VCP: variants seen among roughly 807,000 people sequenced by gnomAD.
VCP encodes valosin containing protein.
A neutral mutation model predicts 85.7 loss-of-function variants in VCP; 6 were observed. The ratio of observed to expected loss-of-function variants is 0.07; its 90% CI spans 0.04 to 0.14. The LOEUF is 0.14. VCP is among the 10% of genes least tolerant of loss of function. The pLI is 1.00. For missense variants in VCP, 353 were observed against 1,043.4 expected (o/e 0.34, Z 9.12); for synonymous variants, 384 against 367.1 (o/e 1.05, Z -0.53).
intron 9 of VCP, 152 bp downstream of exon 9, chr9:35,061,851 G>A (rs1828727439): frequency 6.8e-7 from 1 of 1,472,024 alleles, no homozygotes; most frequent in Admixed American, 1.9e-5. Context: ...GAAAACCAGG[G>A]TGGTTGGTCA....
chr9:35,063,897 A>G (rs138403227), intron 6 of VCP, among the ~76,000 whole-genome samples: 157 of 152,382 alleles, frequency 1.0e-3, no homozygotes, highest in African/African-American at 3.6e-3. Flanking sequence ...AGAGTTGTAA[A>G]GAAAAACCCA....
intron 15 of VCP, among the ~76,000 whole-genome samples, chr9:35,058,598 T>A (rs561806714): frequency 6.7e-6 from 1 of 148,970 alleles, no homozygotes; most frequent in African/African-American, 2.5e-5. Flanking sequence ...ACGTTTCTAC[T>A]AAAAAAAAAA....
intron 1 of VCP, 43 bp from the exon 2 acceptor site, chr9:35,068,405 C>T (rs780421436): frequency 9.8e-6 from 15 of 1,537,414 alleles, no homozygotes; most frequent in Admixed American, 6.7e-5. Flanking sequence ...CTGCCCCAAG[C>T]GCCTCGCCAG....
rs149705391 is a variant in VCP, at chr9:35,067,634, G to A, written c.302+257C>T. On this transcript the variant is annotated intron_variant, in intron 3 of 16. Coordinates refer to ENST00000358901, the MANE Select transcript of VCP (RefSeq NM_007126.5). Reference sequence around the variant, plus strand: ...GTATGATAAATTACACCTCTAGTAGGAAAAAATAAAGCCATCAAGAAAGTT... The same window carrying A: ...GTATGATAAATTACACCTCTAGTAGAAAAAAATAAAGCCATCAAGAAAGTT... Among the ~76,000 whole-genome samples, 136 of 152,280 alleles carry A rather than the reference G, an allele frequency of 8.9e-4. 1 individual carries two copies. In the East Asian group the frequency reaches 0.022, roughly 25 times the overall value.
intron 10 of VCP, 109 bp downstream of exon 10, chr9:35,061,468 C>A (rs1403479754): frequency 2.2e-5 from 25 of 1,144,690 alleles, no homozygotes; most frequent in Non-Finnish European, 3.3e-5. Flanking sequence ...TTTCCCCTGT[C>A]CAGAAATCAA....
At chr9:35,067,755 G>T in intron 3 of VCP, 136 bp downstream of exon 3, 1 of 1,164,574 alleles carries the variant, frequency 8.6e-7, no homozygotes, top group Non-Finnish European at 1.3e-6. Context: ...TGAAGCATAA[G>T]TCTTCCCATG....
Position 35,059,331 on chromosome 9 carries a change from CA to C in VCP, c.2005-113del, listed in dbSNP as rs1828675221. 6.5e-7 allele frequency: 1 copy of C among 1,545,676 alleles called. No homozygotes were observed. The highest frequency in any genetic ancestry group is 8.8e-7 in the Non-Finnish European group (1 of 1,137,448). The stretch of plus-strand genomic sequence containing the variant: ...CAGTTTGCCCCTTCTTTGGCCACCC[CA>C]TTTTATTCCTGATTCTAGATTATCT... On this transcript the variant is annotated intron_variant, in intron 14 of 16. Transcript: ENST00000358901. The surrounding 1 kb of genome is among the most constrained non-coding windows in gnomAD (Gnocchi z 4.9).
chr9:35,065,989 G>A (rs927559443), intron 4 of VCP, among the ~76,000 whole-genome samples: 64 of 152,196 alleles, frequency 4.2e-4, no homozygotes, highest in African/African-American at 1.5e-3. Context: ...AGCCGGGCGT[G>A]GTGGCAGACG....
Position 35,056,796 on chromosome 9 carries a change from AGTAGTG to A in VCP, c.*315_*320del. ...CAGATGCTTTACTGTGGCAGGTGGCAGTAGTGCCTTGGTTCACACCCCACACAGGTC... is the reference window on the plus strand; with the variant it reads ...CAGATGCTTTACTGTGGCAGGTGGCACCTTGGTTCACACCCCACACAGGTC... On this transcript the variant is annotated 3_prime_UTR_variant, in exon 17 of 17. Transcript: ENST00000358901. 2.6e-6 allele frequency: 1 copy of A among 377,532 alleles called. No homozygotes were observed. The highest frequency in any genetic ancestry group is 5.1e-6 in the Non-Finnish European group (1 of 195,864). 23.4% of individuals were successfully genotyped at this position (377,532 alleles called of 1,614,324 possible). A position where few individuals can be genotyped will look rare whatever the true frequency, so the allele number is the denominator to read the frequency against.
intron 1 of VCP, among the ~76,000 whole-genome samples, chr9:35,070,560 A>G (rs951116556): frequency 2.6e-5 from 4 of 152,052 alleles, no homozygotes; most frequent in Non-Finnish European, 2.9e-5. Context: ...CAGCCTCCAG[A>G]GTGGCTGGGA....
At chr9:35,070,219 T>A (rs1272511079) in intron 1 of VCP, among the ~76,000 whole-genome samples, 1 of 152,086 alleles carries the variant, frequency 6.6e-6, no homozygotes, top group Admixed American at 6.6e-5. Flanking sequence ...AGTCTGCCAC[T>A]CCAGGCACAA....
intron 1 of VCP, 109 bp downstream of exon 1, chr9:35,072,228 T>A: frequency 6.9e-7 from 1 of 1,457,582 alleles, no homozygotes. Flanking sequence ...CCCTCTTTCC[T>A]GGTCTCCACC....
intron 15 of VCP, 65 bp downstream of exon 15, chr9:35,058,999 G>C (rs1262322989): frequency 6.2e-7 from 1 of 1,601,390 alleles, no homozygotes; most frequent in African/African-American, 1.3e-5. Flanking sequence ...CAACTCCAGG[G>C]CATGGTGGTG....
At chr9:35,071,756 C>T in intron 1 of VCP, 15 of 989,822 alleles carry the variant, frequency 1.5e-5, no homozygotes, top group Non-Finnish European at 1.8e-5. Flanking sequence ...AGGATGCCCA[C>T]CTCCGGCCCC....
chr9:35,072,003 C>T, intron 1 of VCP: 4 of 1,131,444 alleles, frequency 3.5e-6, no homozygotes, highest in Non-Finnish European at 4.3e-6. Context: ...CGGGGCGCCG[C>T]GCCGGCGGAG....
chr9:35,072,508 C>G lies in VCP; in HGVS notation c.-155G>C, dbSNP rs1828980952. The G allele has an allele frequency of 2.0e-6, 2 of 1,000,108 alleles. No individual in the cohort carries two copies. The highest frequency in any genetic ancestry group is 6.7e-5 in the East Asian group (2 of 29,920). 62.0% of individuals were successfully genotyped at this position (1,000,108 alleles called of 1,614,324 possible). On this transcript the variant is annotated 5_prime_UTR_variant, in exon 1 of 17. Coordinates refer to ENST00000358901, the MANE Select transcript of VCP (RefSeq NM_007126.5). ...GCGGCTTCCCTCTCGCTTCCTCCCACCGGCAGCGAGGCGTCGGGCGAACAA... is the reference window on the plus strand; with the variant it reads ...GCGGCTTCCCTCTCGCTTCCTCCCAGCGGCAGCGAGGCGTCGGGCGAACAA...
In VCP at chr9:35,065,188, TACC is replaced by T. The variant is rs1180053872; in HGVS notation, c.576+60_576+62del. The stretch of plus-strand genomic sequence containing the variant: ...CGGCCGAGCACCCAGTCCTGACAGT[TACC>T]ACATGATGCCACACTGAGTAATCAT... On this transcript the variant is annotated intron_variant, in intron 5 of 16. Coordinates refer to ENST00000358901, the MANE Select transcript of VCP (RefSeq NM_007126.5). The T allele has an allele frequency of 4.3e-6, 7 of 1,612,216 alleles. No individual in the cohort carries two copies. In the Admixed American group the frequency reaches 1.0e-4, roughly 23 times the overall value.
At chr9:35,072,189 G>A (rs1348440344) in intron 1 of VCP, 148 bp downstream of exon 1, 7 of 1,424,372 alleles carry the variant, frequency 4.9e-6, no homozygotes, top group East Asian at 3.1e-5. Context: ...CCGGGTCCAC[G>A]GCCCCTCACT....
In VCP at chr9:35,056,436, G is replaced by C. The variant is rs952913541; in HGVS notation, c.*681C>G. On this transcript the variant is annotated 3_prime_UTR_variant, in exon 17 of 17. Transcript: ENST00000358901. ...CAACAGGAGACATCATACCGATGTT[G>C]ATCAGGAGAGGAAGAAGGTGCAATC... 6.4e-6 allele frequency: 1 copy of C among 156,170 alleles called. No homozygotes were observed. The highest frequency in any genetic ancestry group is 6.2e-5 in the Admixed American group (1 of 16,004). The allele number at this position is 156,170 out of a possible 1,614,324, so 9.7% of individuals were successfully genotyped here.
Sources: gnomAD v4.1 joint callset for allele counts (sites outside exome capture counted in the v4.1 genomes callset) on GRCh38, gnomAD v4.1.1 for gene constraint, Gnocchi (gnomAD v3.1) non-coding constraint, MANE v1.5 for transcripts, NCBI Gene and HGNC (gene_info 2026-07-23, HGNC 2026-07-21) for gene names.